The following UBXN7 variants were observed in gnomAD, a reference collection of about 807,000 sequenced individuals.
UBXN7 encodes UBX domain protein 7, also known as UBX domain-containing protein 7.
Under a neutral mutation model 58.0 loss-of-function variants are expected in UBXN7, and 9 were observed. The ratio of observed to expected loss-of-function variants is 0.16; its 90% CI spans 0.09 to 0.27. UBXN7 has a LOEUF of 0.27. Among genes scored for constraint, UBXN7 ranks in the 10% least tolerant of loss-of-function variants. The probability of loss-of-function intolerance (pLI) is 1.00; values close to 1 mark genes in which losing one functional copy is unlikely to be tolerated. For missense variants in UBXN7, 328 were observed against 599.6 expected (o/e 0.55, Z 4.73); for synonymous variants, 208 against 205.0 (o/e 1.01, Z -0.12).
intron 5 of UBXN7, among the ~76,000 whole-genome samples, chr3:196,389,640 T>C (rs1226784651): frequency 6.6e-6 from 1 of 152,220 alleles, no homozygotes; most frequent in African/African-American, 2.4e-5. Flanking sequence ...CCCCTTTGCC[T>C]TCTGCCATGA....
At chr3:196,389,022 G>A (rs1311521054) in intron 5 of UBXN7, among the ~76,000 whole-genome samples, 9 of 152,026 alleles carry the variant, frequency 5.9e-5, no homozygotes, top group Non-Finnish European at 1.3e-4. Context: ...AAAGAGATTC[G>A]TATTTTCCCT....
chr3:196,397,198 A>G (rs368103672), intron 3 of UBXN7, among the ~76,000 whole-genome samples: 3 of 152,182 alleles, frequency 2.0e-5, no homozygotes, highest in African/African-American at 7.2e-5. Context: ...TACTGCCCAC[A>G]TAATAGAAGT....
At chr3:196,418,864 T>C (rs73891237) in intron 1 of UBXN7, among the ~76,000 whole-genome samples, 2 of 152,288 alleles carry the variant, frequency 1.3e-5, no homozygotes, top group Non-Finnish European at 2.9e-5. Flanking sequence ...AGTTAGAGGA[T>C]AGGGAAAGAC....
intron 1 of UBXN7, among the ~76,000 whole-genome samples, chr3:196,417,599 G>A (rs1349278728): frequency 6.6e-6 from 1 of 151,474 alleles, no homozygotes; most frequent in African/African-American, 2.4e-5. Context: ...TTCATGAAGT[G>A]CTACCATGAA....
chr3:196,360,597 G>A (rs1288275148), intron 10 of UBXN7, among the ~76,000 whole-genome samples: 1 of 152,162 alleles, frequency 6.6e-6, no homozygotes, highest in Non-Finnish European at 1.5e-5. Flanking sequence ...ACATATTACT[G>A]CTCATTGACA....
intron 3 of UBXN7, among the ~76,000 whole-genome samples, chr3:196,395,296 C>CA (rs1405173805): frequency 6.6e-6 from 1 of 151,900 alleles, no homozygotes. Context: ...AACAAAGCAA[C>CA]AAAAAAATGC....
chr3:196,417,548 A>G (rs1046169253), intron 1 of UBXN7, among the ~76,000 whole-genome samples: 1 of 151,810 alleles, frequency 6.6e-6, no homozygotes, highest in Non-Finnish European at 1.5e-5. Flanking sequence ...TAATTTCTCT[A>G]GGCATCAGTT....
intron 1 of UBXN7, among the ~76,000 whole-genome samples, chr3:196,416,393 T>C (rs561849106): frequency 1.6e-4 from 25 of 151,950 alleles, no homozygotes; most frequent in Non-Finnish European, 2.9e-4. Flanking sequence ...ATTGCGCCAC[T>C]GCACTCCTGC....
chr3:196,352,109 G>C lies in UBXN7; in HGVS notation c.*4576C>G, dbSNP rs781715988. The C allele has an allele frequency of 6.6e-6, 1 of 152,190 alleles. No individual in the cohort carries two copies. The highest frequency in any genetic ancestry group is 6.5e-5 in the Admixed American group (1 of 15,270). 9.4% of individuals were successfully genotyped at this position (152,190 alleles called of 1,614,324 possible). ...GTGAGCTACAGTGCTTGCCACTTCA[G>C]TCTTGTTTAAGACTTTGCTAACTAA... is the stretch of plus-strand genomic sequence containing the variant. On this transcript the variant is annotated 3_prime_UTR_variant, in exon 11 of 11. Coordinates refer to ENST00000296328, the MANE Select transcript of UBXN7 (RefSeq NM_015562.2). The surrounding 1 kb of genome is among the most constrained non-coding windows in gnomAD (Gnocchi z 4.1).
In UBXN7 at chr3:196,351,962, T is replaced by A. The variant is rs1289202755; in HGVS notation, c.*4723A>T. 2 of 152,302 alleles carry A rather than the reference T, an allele frequency of 1.3e-5. No homozygotes were observed. Among genetic ancestry groups the A allele is most frequent in the East Asian group, 3.9e-4 (2 of 5,188 alleles). The allele number at this position is 152,302 out of a possible 1,614,324, so 9.4% of individuals were successfully genotyped here. ...ATCCCCGCAAGCTAGGAATCTTTAC[T>A]CCAGGGATCAATAATCCTTTCCTAC... On this transcript the variant is annotated 3_prime_UTR_variant, in exon 11 of 11. Coordinates refer to ENST00000296328, the MANE Select transcript of UBXN7 (RefSeq NM_015562.2).
intron 7 of UBXN7, among the ~76,000 whole-genome samples, chr3:196,368,928 T>C (rs982055861): frequency 3.9e-5 from 6 of 152,158 alleles, no homozygotes; most frequent in South Asian, 2.1e-4. Context: ...GTTCAGGCCA[T>C]TCTCCTGCCT....
intron 8 of UBXN7, among the ~76,000 whole-genome samples, chr3:196,363,598 T>G (rs6770643): frequency 0.12 from 18,056 of 151,954 alleles, 1,411 homozygotes; most frequent in South Asian, 0.19. Flanking sequence ...GAAAAGTTCT[T>G]GAAGGAAATT....
intron 1 of UBXN7, among the ~76,000 whole-genome samples, chr3:196,416,849 C>T (rs138803098): frequency 5.6e-4 from 85 of 152,040 alleles, no homozygotes; most frequent in African/African-American, 1.9e-3. Flanking sequence ...CATTTAGAGT[C>T]GATATACAGA....
At chr3:196,419,072 C>T (rs1272476214) in intron 1 of UBXN7, among the ~76,000 whole-genome samples, 1 of 152,100 alleles carries the variant, frequency 6.6e-6, no homozygotes, top group Non-Finnish European at 1.5e-5. Context: ...TGGAGACCAG[C>T]CTGGCCCACA....
chr3:196,368,361 A>C (rs1728726710), intron 7 of UBXN7, among the ~76,000 whole-genome samples: 1 of 152,182 alleles, frequency 6.6e-6, no homozygotes, highest in Non-Finnish European at 1.5e-5. Flanking sequence ...TATCTCTTTC[A>C]GCATATGCAT....
chr3:196,430,835 G>T (rs1406791444), intron 1 of UBXN7, among the ~76,000 whole-genome samples: 1 of 152,126 alleles, frequency 6.6e-6, no homozygotes, highest in Non-Finnish European at 1.5e-5. Flanking sequence ...CCATAGCAAT[G>T]ATTTGTCAGA....
At position 196,356,514 on chromosome 3, in the gene UBXN7, A is replaced by AG. The variant is rs1343359394; in HGVS notation, c.*170dup. 7.9e-6 allele frequency: 5 copies of AG among 632,658 alleles called. No individual in the cohort carries two copies. The highest frequency in any genetic ancestry group is 7.7e-6 in the Non-Finnish European group (3 of 392,094). The allele number at this position is 632,658 out of a possible 1,614,324, so 39.2% of individuals were successfully genotyped here. A position where few individuals can be genotyped will look rare whatever the true frequency, so the allele number is the denominator to read the frequency against. ...AAAACAGAAGAGGAGAAAGAAACAA[A>AG]GGGGGAGAAAGAGACTGATTATAGG... On this transcript the variant is annotated 3_prime_UTR_variant, in exon 11 of 11. Coordinates refer to ENST00000296328, the MANE Select transcript of UBXN7 (RefSeq NM_015562.2).
chr3:196,419,168 T>C (rs7618690), intron 1 of UBXN7, among the ~76,000 whole-genome samples: 37,386 of 151,896 alleles, frequency 0.25, 6,139 homozygotes, highest in East Asian at 0.83. Context: ...TCCCAGCTAC[T>C]AGGGAGGCCG....
intron 1 of UBXN7, among the ~76,000 whole-genome samples, chr3:196,418,992 G>A (rs975021182): frequency 2.6e-5 from 4 of 152,154 alleles, no homozygotes; most frequent in Non-Finnish European, 5.9e-5. Flanking sequence ...GAGGTCGAGC[G>A]CGGTGGCTCA....
Sources: allele counts gnomAD v4.1 joint callset (sites outside exome capture counted in the v4.1 genomes callset), GRCh38; gene constraint gnomAD v4.1.1; non-coding constraint Gnocchi (gnomAD v3.1); transcripts MANE v1.5; gene names NCBI Gene and HGNC (gene_info 2026-07-23, HGNC 2026-07-21).